The following ITPKB variants were observed in gnomAD, a reference collection of about 807,000 sequenced individuals.
ITPKB encodes the protein IP3 3-kinase B.
Under a neutral mutation model 69.4 loss-of-function variants are expected in ITPKB, and 13 were observed. That is an observed-to-expected ratio of 0.19 (90% CI 0.12 to 0.30). The LOEUF (loss-of-function observed/expected upper bound fraction) is 0.30, where lower values mean the gene tolerates loss of function less well. ITPKB is among the 10% of genes least tolerant of loss of function. The pLI is 1.00. For synonymous variants in ITPKB, 584 were observed against 513.7 expected, an observed-to-expected ratio of 1.14 and a Z score of -1.85; for missense variants, 1,240 against 1,250.5, an observed-to-expected ratio of 0.99 and a Z score of 0.13.
chr1:226,634,773 G>T lies in ITPKB; in HGVS notation c.2739C>A (p.Asp913Glu). 2 of 1,500,292 alleles carry T rather than the reference G, an allele frequency of 1.3e-6. No homozygotes were observed. The highest frequency in any genetic ancestry group is 1.9e-6 in the Non-Finnish European group (2 of 1,076,116). The allele number at this position is 1,500,292 out of a possible 1,614,324, so 92.9% of individuals were successfully genotyped here. A position where few individuals can be genotyped will look rare whatever the true frequency, so the allele number is the denominator to read the frequency against. The change falls in exon 8 of 8, where the codon GAC becomes GAA. Residue 913 changes from aspartate to glutamate, a missense_variant. Physicochemically the swap from Asp to Glu is conservative, Grantham distance 45. Transcript: ENST00000429204. This position sits in a 1 kb window ranked among gnomAD's most constrained non-coding sequence, Gnocchi z 6.3. ...PLPEGQTLQH[D>E]VPWQEGNRED... The stretch of plus-strand genomic sequence containing the variant: ...CCCGGTTCCCCTCCTGCCAGGGGAC[G>T]TCATGCTGCAGGGTCTGGCCCTCAG...
chr1:226,680,350 C>T (rs1195073290), intron 2 of ITPKB, among the ~76,000 whole-genome samples: 1 of 152,200 alleles, frequency 6.6e-6, no homozygotes, highest in Non-Finnish European at 1.5e-5. Flanking sequence ...GCTTAGAGAT[C>T]CTAAGTCCCT....
At position 226,736,547 on chromosome 1, in the gene ITPKB, C is replaced by G; in HGVS notation, c.912G>C (p.Thr304=). The change falls in exon 2 of 8, where the codon ACG becomes ACC. Residue 304 remains threonine, a synonymous_variant. Coordinates refer to ENST00000429204, the MANE Select transcript of ITPKB (RefSeq NM_002221.4). The stretch of plus-strand genomic sequence containing the variant: ...TGGATGTAACTCTCGCTGCCACTTC[C>G]GTGGCCATCGTTAAGCTAGCTCCGA... ...GLFGASLTMA[T]EVAARVTSTG... 6.2e-7 allele frequency: 1 copy of G among 1,613,994 alleles called. No individual in the cohort carries two copies. Among genetic ancestry groups the G allele is most frequent in the Non-Finnish European group, 8.5e-7 (1 of 1,180,020 alleles).
intron 2 of ITPKB, among the ~76,000 whole-genome samples, chr1:226,705,351 G>T (rs1656774473): frequency 6.6e-6 from 1 of 152,028 alleles, no homozygotes; most frequent in Admixed American, 6.5e-5. Context: ...CCAACATGGA[G>T]AAACCTCATC....
At chr1:226,685,961 C>T (rs1268227580) in intron 2 of ITPKB, among the ~76,000 whole-genome samples, 3 of 151,730 alleles carry the variant, frequency 2.0e-5, no homozygotes, top group Admixed American at 6.6e-5. Flanking sequence ...GGGGAGGAAA[C>T]GAGAAAGAGT....
At chr1:226,698,490 G>A (rs1298734109) in intron 2 of ITPKB, among the ~76,000 whole-genome samples, 1 of 152,228 alleles carries the variant, frequency 6.6e-6, no homozygotes, top group East Asian at 1.9e-4. Context: ...CCTCTCCCCA[G>A]ACTAAACCAA....
Position 226,736,077 on chromosome 1 carries a change from G to A in ITPKB, c.1382C>T (p.Pro461Leu), listed in dbSNP as rs370595082. 2 of 1,612,120 alleles carry A rather than the reference G, an allele frequency of 1.2e-6. No individual in the cohort carries two copies. The highest frequency in any genetic ancestry group is 1.3e-5 in the African/African-American group (1 of 74,940). ...TCCCGCCTCCACATTCCCGGTCCCC[G>A]GCTGTGCTGAGGGGCTGCCCCCAAG... ...GLLGGSPSAQ[P>L]GTGNVEAGIP... is the part of the protein sequence containing the mutation. Residue 461 changes from proline (P) to leucine (L), a missense_variant, in exon 2 of 8, where the codon CCG becomes CTG. Coordinates refer to ENST00000429204, the MANE Select transcript of ITPKB (RefSeq NM_002221.4).
intron 2 of ITPKB, among the ~76,000 whole-genome samples, chr1:226,656,009 C>T (rs965882043): frequency 6.6e-6 from 1 of 152,218 alleles, no homozygotes; most frequent in Non-Finnish European, 1.5e-5. Context: ...CCCACGCCAC[C>T]TTAGGCCCGC....
intron 2 of ITPKB, among the ~76,000 whole-genome samples, chr1:226,733,330 A>G (rs1305846974): frequency 6.6e-6 from 1 of 152,194 alleles, no homozygotes; most frequent in African/African-American, 2.4e-5. Flanking sequence ...TATCAAACAC[A>G]GAAAGGCCCA....
chr1:226,687,959 C>T (rs142574107), intron 2 of ITPKB, among the ~76,000 whole-genome samples: 34 of 152,300 alleles, frequency 2.2e-4, no homozygotes, highest in African/African-American at 7.9e-4. Context: ...TTGCCAGGAC[C>T]AGCCAAGGGA....
At chr1:226,650,454 A>AGAAG (rs1158987935) in intron 2 of ITPKB, among the ~76,000 whole-genome samples, 3 of 152,266 alleles carry the variant, frequency 2.0e-5, no homozygotes, top group African/African-American at 7.2e-5. Context: ...AGATCGCCAA[A>AGAAG]GAAGGCTAGA....
intron 2 of ITPKB, among the ~76,000 whole-genome samples, chr1:226,705,009 A>G (rs1178755944): frequency 6.6e-6 from 1 of 152,244 alleles, no homozygotes; most frequent in Non-Finnish European, 1.5e-5. Context: ...CAGAATAGAT[A>G]GGAGATAAGA....
At chr1:226,704,240 G>A (rs1476734238) in intron 2 of ITPKB, among the ~76,000 whole-genome samples, 1 of 152,190 alleles carries the variant, frequency 6.6e-6, no homozygotes, top group Non-Finnish European at 1.5e-5. Flanking sequence ...TCAGAAAAAT[G>A]TTTAGCATGC....
intron 2 of ITPKB, among the ~76,000 whole-genome samples, chr1:226,708,121 G>A (rs1435087135): frequency 1.3e-5 from 2 of 152,080 alleles, no homozygotes; most frequent in Non-Finnish European, 2.9e-5. Flanking sequence ...GATAAAACTA[G>A]TACAATCAGA....
intron 2 of ITPKB, among the ~76,000 whole-genome samples, chr1:226,704,129 T>C (rs1656745940): frequency 6.6e-6 from 1 of 152,118 alleles, no homozygotes; most frequent in Non-Finnish European, 1.5e-5. Flanking sequence ...CCCCTGAAAA[T>C]TTTTGATAAT....
Position 226,737,223 on chromosome 1 carries a change from C to T in ITPKB, c.236G>A (p.Arg79Gln), listed in dbSNP as rs762110288. Residue 79 changes from arginine to glutamine, a missense_variant, in exon 2 of 8, where the codon CGG (arginine) becomes CAG (glutamine). This residue lies in a region of ITPKB where 992 missense variants were observed against 853.8 expected (regional missense o/e 1.16). Transcript: ENST00000429204. ...GCCGCTGCTACTATTCAGCCTGCGC[C>T]GGCCGCTCCGCCAGCCCCCGGGGCT... ...PRSPGGWRSGRRRLNSSSGSG... is the reference protein window; with the variant it reads ...PRSPGGWRSGQRRLNSSSGSG... 2.6e-6 allele frequency: 4 copies of T among 1,565,998 alleles called. No individual in the cohort carries two copies. The highest frequency in any genetic ancestry group is 2.3e-5 in the South Asian group (2 of 88,500).
At chr1:226,716,906 C>T (rs1287342074) in intron 2 of ITPKB, among the ~76,000 whole-genome samples, 2 of 152,164 alleles carry the variant, frequency 1.3e-5, no homozygotes, top group Non-Finnish European at 2.9e-5. Flanking sequence ...ATATAGAAAA[C>T]AATACTTTCT....
chr1:226,712,268 C>T (rs936407021), intron 2 of ITPKB, among the ~76,000 whole-genome samples: 4 of 152,144 alleles, frequency 2.6e-5, no homozygotes, highest in Non-Finnish European at 4.4e-5. Flanking sequence ...CCTGGCAGCC[C>T]AGACCCCCTT....
At chr1:226,666,412 C>T (rs980667042) in intron 2 of ITPKB, among the ~76,000 whole-genome samples, 2 of 152,146 alleles carry the variant, frequency 1.3e-5, no homozygotes, top group Non-Finnish European at 2.9e-5. Context: ...TCATATGTGA[C>T]GGACATGGCT....
chr1:226,698,557 A>G (rs1007293963), intron 2 of ITPKB, among the ~76,000 whole-genome samples: 7 of 152,266 alleles, frequency 4.6e-5, no homozygotes, highest in African/African-American at 1.7e-4. Context: ...TCATTTATAT[A>G]TGAATGAGGC....
Sources: gnomAD v4.1 joint callset for allele counts (sites outside exome capture counted in the v4.1 genomes callset) on GRCh38, gnomAD v4.1.1 for gene constraint, gnomAD v4.1.1 regional missense constraint, Gnocchi (gnomAD v3.1) non-coding constraint, MANE v1.5 for transcripts, NCBI Gene and HGNC (gene_info 2026-07-23, HGNC 2026-07-21) for gene names.